Variants in OR51B5 observed in about 807,000 individuals in gnomAD.
OR51B5 encodes the protein olfactory receptor family 51 subfamily B member 5.
For synonymous variants in OR51B5, 186 were observed against 144.8 expected, an observed-to-expected ratio of 1.28 and a Z score of -2.04; for missense variants, 456 against 374.6, an observed-to-expected ratio of 1.22 and a Z score of -1.79.
intron 1 of OR51B5, among the ~76,000 whole-genome samples, chr11:5,500,474 T>G (rs1303797883): frequency 6.7e-6 from 1 of 149,094 alleles, no homozygotes. Flanking sequence ...AAAATCAAAC[T>G]AAATGGAGCC....
chr11:5,439,329 T>C (rs1589996291), intron 1 of OR51B5, among the ~76,000 whole-genome samples: 1 of 152,100 alleles, frequency 6.6e-6, no homozygotes, highest in Admixed American at 6.6e-5. Flanking sequence ...CATGGAGATA[T>C]TAAGGTTATA....
intron 1 of OR51B5, among the ~76,000 whole-genome samples, chr11:5,376,796 T>G (rs370303957): frequency 7.3e-5 from 11 of 151,126 alleles, no homozygotes; most frequent in East Asian, 3.9e-4. Flanking sequence ...AATAACAGGA[T>G]CTGAAATTGT....
upstream of OR51B5, chr11:5,345,669 C>G (rs1166850533): frequency 6.6e-6 from 1 of 151,924 alleles, no homozygotes; most frequent in Non-Finnish European, 1.5e-5. Context: ...TTGTTTTTAT[C>G]CTAAGTTAAA....
At chr11:5,477,868 C>G (rs1373998396) in intron 1 of OR51B5, among the ~76,000 whole-genome samples, 2 of 152,140 alleles carry the variant, frequency 1.3e-5, no homozygotes, top group Non-Finnish European at 2.9e-5. Flanking sequence ...CCTACGCCCA[C>G]GGAGTCTCCC....
rs180813483 is a variant in OR51B5 at position 5,490,794 on chromosome 11, A to T, written n.84+14775T>A. Among the ~76,000 whole-genome samples the T allele has an allele frequency of 2.9e-3, 447 of 152,318 alleles. 4 individuals are homozygous for T. The highest frequency in any genetic ancestry group is 0.01 in the African/African-American group (425 of 41,578). On this transcript the variant is annotated intron_variant and non_coding_transcript_variant, in intron 1 of 4. Coordinates refer to the OR51B5 transcript ENST00000415970. Reference sequence around the variant, plus strand: ...GACTTCCTTATCTACTAGCTGCAAGAATTAGGGCATCCCACTTTACTGCCC... The same window carrying T: ...GACTTCCTTATCTACTAGCTGCAAGTATTAGGGCATCCCACTTTACTGCCC...
intron 1 of OR51B5, among the ~76,000 whole-genome samples, chr11:5,464,328 T>G (rs188833426): frequency 0.03 from 4,588 of 152,324 alleles, 92 homozygotes; most frequent in Middle Eastern, 0.054. Flanking sequence ...AGGGTACATG[T>G]GCACGTTGTG....
intron 1 of OR51B5, among the ~76,000 whole-genome samples, chr11:5,358,562 G>A (rs1849230198): frequency 6.6e-6 from 1 of 152,166 alleles, no homozygotes; most frequent in South Asian, 2.1e-4. Flanking sequence ...TCTACCAGAG[G>A]TACAAGGAGG....
intron 1 of OR51B5, among the ~76,000 whole-genome samples, chr11:5,373,251 G>A (rs548231970): frequency 2.4e-4 from 36 of 152,188 alleles, no homozygotes; most frequent in African/African-American, 8.2e-4. Flanking sequence ...TATCAGTCTC[G>A]GCAATTTTTT....
At chr11:5,390,244 T>A in intron 1 of OR51B5, 1 of 1,614,028 alleles carries the variant, frequency 6.2e-7, no homozygotes. Context: ...ATGCCCCACC[T>A]GCTATTCATC....
chr11:5,496,892 C>T (rs993836729), intron 1 of OR51B5, among the ~76,000 whole-genome samples: 5 of 152,264 alleles, frequency 3.3e-5, no homozygotes, highest in Admixed American at 6.5e-5. Context: ...GTCCTCCTCC[C>T]GAGGATAGTC....
At chr11:5,406,003 G>A (rs756738259) in intron 1 of OR51B5, among the ~76,000 whole-genome samples, 5 of 152,162 alleles carry the variant, frequency 3.3e-5, no homozygotes, top group Non-Finnish European at 7.4e-5. Context: ...GATGAGAAGA[G>A]AAGAAACATC....
At chr11:5,483,134 T>G (rs971705540) in intron 1 of OR51B5, among the ~76,000 whole-genome samples, 20 of 150,562 alleles carry the variant, frequency 1.3e-4, no homozygotes, top group South Asian at 2.1e-4. Flanking sequence ...TAGACTGGAT[T>G]AAGAAAATGT....
chr11:5,375,156 A>C (rs1278100131), intron 1 of OR51B5, among the ~76,000 whole-genome samples: 2 of 147,516 alleles, frequency 1.4e-5, no homozygotes, highest in African/African-American at 5.0e-5. Context: ...TCTACAAGCC[A>C]GAAGAGAGTG....
At chr11:5,385,531 C>T (rs938736001) in intron 1 of OR51B5, 1 of 152,072 alleles carries the variant, frequency 6.6e-6, no homozygotes, top group Non-Finnish European at 1.5e-5. Flanking sequence ...CCTACCACAT[C>T]TTAGACACTG....
At chr11:5,495,925 T>C (rs1312679730) in intron 1 of OR51B5, among the ~76,000 whole-genome samples, 6 of 152,152 alleles carry the variant, frequency 3.9e-5, no homozygotes, top group African/African-American at 1.4e-4. Flanking sequence ...AAATACAGCG[T>C]AGCAGGGTGG....
chr11:5,470,864 T>G (rs543494405), intron 1 of OR51B5, among the ~76,000 whole-genome samples: 11 of 152,348 alleles, frequency 7.2e-5, no homozygotes, highest in African/African-American at 2.6e-4. Flanking sequence ...ATCACCCAGC[T>G]TAGTATCATG....
chr11:5,441,155 C>T (rs773751717), intron 1 of OR51B5: 33 of 1,613,908 alleles, frequency 2.0e-5, no homozygotes, highest in African/African-American at 2.7e-5. Context: ...GATCCAAGCT[C>T]ATGGCCAGCA....
intron 1 of OR51B5, among the ~76,000 whole-genome samples, chr11:5,492,327 T>C (rs1188465910): frequency 6.6e-6 from 1 of 152,152 alleles, no homozygotes; most frequent in Admixed American, 6.6e-5. Context: ...CTGAAGAAAC[T>C]CACCCTGTTT....
intron 1 of OR51B5, among the ~76,000 whole-genome samples, chr11:5,379,347 T>C (rs1020709314): frequency 6.6e-6 from 1 of 151,988 alleles, no homozygotes; most frequent in African/African-American, 2.4e-5. Context: ...CATTAGGAGA[T>C]ATACCTAATG....
Sources: allele counts gnomAD v4.1 joint callset (sites outside exome capture counted in the v4.1 genomes callset), GRCh38; gene constraint gnomAD v4.1.1; transcripts MANE v1.5; gene names NCBI Gene and HGNC (gene_info 2026-07-23, HGNC 2026-07-21).